CFAP299: variants seen among roughly 807,000 people sequenced by gnomAD.
The protein encoded by CFAP299 is cilia- and flagella-associated protein 299.
A neutral mutation model predicts 27.0 loss-of-function variants in CFAP299; 21 were observed. The observed-to-expected ratio is 0.78, with a 90% CI of 0.55 to 1.12. CFAP299 has a LOEUF of 1.12. Ranked by LOEUF, CFAP299 falls within the 50% of genes most tolerant of loss-of-function variation. The pLI is 0.00. For missense variants in CFAP299, 310 were observed against 276.6 expected, an observed-to-expected ratio of 1.12 and a Z score of -0.86; for synonymous variants, 104 against 98.1, an observed-to-expected ratio of 1.06 and a Z score of -0.36.
At chr4:80,786,598 A>T (rs977064514) in intron 3 of CFAP299, among the ~76,000 whole-genome samples, 1 of 152,166 alleles carries the variant, frequency 6.6e-6, no homozygotes, top group African/African-American at 2.4e-5. Context: ...TGAAAACAAA[A>T]CAAACCTCAA....
chr4:80,616,521 C>A lies in CFAP299; in HGVS notation c.333+33338C>A, dbSNP rs190679443. 3.7e-3 allele frequency among the ~76,000 whole-genome samples: 560 copies of A among 151,806 alleles called. 1 individual carries two copies. Among genetic ancestry groups the A allele is most frequent in the Admixed American group, 0.014 (212 of 15,232 alleles). On this transcript the variant is annotated intron_variant, in intron 3 of 5. Coordinates refer to ENST00000358105, the MANE Select transcript of CFAP299 (RefSeq NM_152770.3). The stretch of plus-strand genomic sequence containing the variant: ...ACTTTATTTTACAGATGAAAAAAAA[C>A]AAACTGAGTGAGGAAAAGTGACTTT...
intron 2 of CFAP299, among the ~76,000 whole-genome samples, chr4:80,449,560 G>A (rs563392808): frequency 3.3e-5 from 5 of 151,548 alleles, no homozygotes; most frequent in African/African-American, 4.8e-5. Context: ...TTGTCAAAGG[G>A]AATTATATGC....
intron 3 of CFAP299, among the ~76,000 whole-genome samples, chr4:80,671,503 T>C (rs528983785): frequency 5.9e-5 from 9 of 152,226 alleles, no homozygotes; most frequent in Non-Finnish European, 1.2e-4. Context: ...GTATGAACTT[T>C]AAAGTAGTTT....
rs181943155 is a variant in CFAP299 at position 80,697,817 on chromosome 4, C to T, written c.333+114634C>T. On this transcript the variant is annotated intron_variant, in intron 3 of 5. Transcript: ENST00000358105. Reference sequence around the variant, plus strand: ...GCTAACATGGCATAGGATAGTATATCCTAAGATGTGTCTAAACAAAGTGAC... The same window carrying T: ...GCTAACATGGCATAGGATAGTATATTCTAAGATGTGTCTAAACAAAGTGAC... Among the ~76,000 whole-genome samples the T allele has an allele frequency of 2.4e-3, 367 of 152,204 alleles. 4 individuals are homozygous for T. Among genetic ancestry groups the T allele is most frequent in the Middle Eastern group, 0.014 (4 of 294 alleles).
chr4:80,415,632 A>G (rs1480803705), intron 2 of CFAP299, among the ~76,000 whole-genome samples: 1 of 152,166 alleles, frequency 6.6e-6, no homozygotes, highest in Admixed American at 6.5e-5. Context: ...TATTTATGCT[A>G]TAGACATTTG....
intron 3 of CFAP299, among the ~76,000 whole-genome samples, chr4:80,694,459 A>C (rs1467085011): frequency 1.3e-5 from 2 of 152,238 alleles, no homozygotes; most frequent in African/African-American, 4.8e-5. Flanking sequence ...TTATGCTCTC[A>C]ACTTTGATGA....
At chr4:80,782,621 ATATATT>A in intron 3 of CFAP299, among the ~76,000 whole-genome samples, 1 of 105,822 alleles carries the variant, frequency 9.4e-6, no homozygotes, top group Non-Finnish European at 2.1e-5. Context: ...TTAATATATA[ATATATT>A]CATATATAAT....
intron 2 of CFAP299, among the ~76,000 whole-genome samples, chr4:80,517,927 T>TC (rs1167994728): frequency 6.6e-6 from 1 of 152,108 alleles, no homozygotes. Context: ...AGTAGAAGCA[T>TC]TAAGAAACTG....
At position 80,529,233 on chromosome 4, in the gene CFAP299, GT is replaced by G. The variant is rs199551516; in HGVS notation, c.243-53851del. On this transcript the variant is annotated intron_variant, in intron 2 of 5. Coordinates refer to ENST00000358105, the MANE Select transcript of CFAP299 (RefSeq NM_152770.3). ...TCTCTTACATCCAGTCCTTTCCATGGTTTTTTTTTCTCTGCCTCATAGGCTC... is the reference window on the plus strand; with the variant it reads ...TCTCTTACATCCAGTCCTTTCCATGGTTTTTTTTCTCTGCCTCATAGGCTC... 7.9e-5 allele frequency among the ~76,000 whole-genome samples: 12 copies of G among 151,006 alleles called. No homozygotes were observed. The East Asian group carries it at 1.9e-3, about 24-fold the overall frequency.
At chr4:80,698,323 A>T (rs987886855) in intron 3 of CFAP299, among the ~76,000 whole-genome samples, 1 of 152,210 alleles carries the variant, frequency 6.6e-6, no homozygotes, top group African/African-American at 2.4e-5. Flanking sequence ...TACAGCCAAG[A>T]ATTGTGTTTT....
At chr4:80,405,750 C>A (rs1217724590) in intron 2 of CFAP299, among the ~76,000 whole-genome samples, 1 of 152,014 alleles carries the variant, frequency 6.6e-6, no homozygotes, top group South Asian at 2.1e-4. Flanking sequence ...AACCGGCATA[C>A]AATTTATACA....
chr4:80,934,365 T>C (rs1238279126), intron 4 of CFAP299, among the ~76,000 whole-genome samples: 2 of 152,122 alleles, frequency 1.3e-5, no homozygotes, highest in Non-Finnish European at 2.9e-5. Context: ...GTTATTGGTC[T>C]ATAATTGTCT....
intron 3 of CFAP299, among the ~76,000 whole-genome samples, chr4:80,762,649 C>T (rs1303376767): frequency 6.6e-6 from 1 of 152,134 alleles, no homozygotes; most frequent in Non-Finnish European, 1.5e-5. Flanking sequence ...TGATATACTG[C>T]TATATCCCCT....
intron 2 of CFAP299, among the ~76,000 whole-genome samples, chr4:80,445,579 G>T (rs939661429): frequency 6.6e-6 from 1 of 152,086 alleles, no homozygotes; most frequent in African/African-American, 2.4e-5. Flanking sequence ...TGTAGATGAC[G>T]GGTTGATGCG....
chr4:80,851,556 T>C (rs1731522698), intron 3 of CFAP299, among the ~76,000 whole-genome samples: 1 of 152,046 alleles, frequency 6.6e-6, no homozygotes, highest in Admixed American at 6.6e-5. Flanking sequence ...AACTGAAAGG[T>C]ATAGAAGAAC....
chr4:80,324,974 T>C, the CFAP299 span, among the ~76,000 whole-genome samples: 6 of 151,940 alleles, frequency 3.9e-5, no homozygotes, highest in African/African-American at 1.2e-4. Flanking sequence ...AATACAAAAA[T>C]TAGTTGGGCA....
chr4:80,744,890 T>C (rs1724495984), intron 3 of CFAP299, among the ~76,000 whole-genome samples: 1 of 152,096 alleles, frequency 6.6e-6, no homozygotes, highest in Non-Finnish European at 1.5e-5. Flanking sequence ...TGACAGCAAA[T>C]CTTCACACAT....
intron 3 of CFAP299, among the ~76,000 whole-genome samples, chr4:80,788,797 A>C (rs7675185): frequency 0.077 from 11,767 of 152,136 alleles, 533 homozygotes; most frequent in African/African-American, 0.1. Context: ...AAGAAGACAC[A>C]TAATCGGCCT....
intron 3 of CFAP299, among the ~76,000 whole-genome samples, chr4:80,636,492 C>A (rs896672965): frequency 6.6e-6 from 1 of 152,150 alleles, no homozygotes; most frequent in African/African-American, 2.4e-5. Context: ...AAGGACTGCT[C>A]AAGTGACTAT....
Sources: gnomAD v4.1 joint callset for allele counts (sites outside exome capture counted in the v4.1 genomes callset) on GRCh38, gnomAD v4.1.1 for gene constraint, MANE v1.5 for transcripts, NCBI Gene and HGNC (gene_info 2026-07-23, HGNC 2026-07-21) for gene names.